The following PSD2 variants were observed in gnomAD, a reference collection of about 807,000 sequenced individuals.
PSD2 encodes the protein PH and SEC7 domain-containing protein 2.
Under a neutral mutation model 69.8 loss-of-function variants are expected in PSD2, and 38 were observed. The observed-to-expected ratio is 0.54, with a 90% CI of 0.42 to 0.71. The LOEUF (loss-of-function observed/expected upper bound fraction) is 0.71, where lower values mean the gene tolerates loss of function less well. Among genes scored for constraint, PSD2 ranks in the 30% least tolerant of loss-of-function variants. The pLI is 0.00. For missense variants in PSD2, 943 were observed against 1,014.5 expected (o/e 0.93, Z 0.96); for synonymous variants, 412 against 423.0 (o/e 0.97, Z 0.32).
At chr5:139,835,889 A>T (rs1760703171) in intron 9 of PSD2, 123 bp downstream of exon 9, 1 of 909,880 alleles carries the variant, frequency 1.1e-6, no homozygotes, top group African/African-American at 1.6e-5. Flanking sequence ...CCAGGGCCTG[A>T]TACCTGTGTC....
At chr5:139,768,050 G>A in the PSD2 span, among the ~76,000 whole-genome samples, 479 of 152,380 alleles carry the variant, frequency 3.1e-3, 6 homozygotes, top group African/African-American at 0.011. Flanking sequence ...GCCTGGCTCA[G>A]ATATCTGGCC....
chr5:139,833,648 G>A, intron 7 of PSD2, 54 bp from the exon 8 acceptor site: 5 of 1,303,340 alleles, frequency 3.8e-6, no homozygotes, highest in Non-Finnish European at 5.6e-6. Context: ...GGGTGTGTGG[G>A]GAACACACCA....
Position 139,805,067 on chromosome 5 carries a change from C to T in PSD2, c.-50-4324C>T, listed in dbSNP as rs116191243. The stretch of plus-strand genomic sequence containing the variant: ...GTGTGCGCATGTGTGTGTGCACGTG[C>T]GCGTGTGTCTGGGCATGTGTACATG... On this transcript the variant is annotated intron_variant, in intron 1 of 14. Coordinates refer to ENST00000274710, the MANE Select transcript of PSD2 (RefSeq NM_032289.4). Among the ~76,000 whole-genome samples, 426 of 151,956 alleles carry T rather than the reference C, an allele frequency of 2.8e-3. 4 individuals carry two copies. The highest frequency in any genetic ancestry group is 9.8e-3 in the African/African-American group (405 of 41,426).
the PSD2 span, among the ~76,000 whole-genome samples, chr5:139,770,521 G>A: frequency 6.6e-5 from 10 of 152,182 alleles, no homozygotes; most frequent in East Asian, 1.2e-3. Context: ...AGCTGAGATC[G>A]CGGCACTACA....
At chr5:139,788,201 A>G in the PSD2 span, among the ~76,000 whole-genome samples, 1 of 89,638 alleles carries the variant, frequency 1.1e-5, no homozygotes, top group African/African-American at 4.6e-5. Flanking sequence ...ACCCGTGCCC[A>G]GGCCTGGCCC....
chr5:139,774,445 C>T, the PSD2 span, among the ~76,000 whole-genome samples: 1 of 152,230 alleles, frequency 6.6e-6, no homozygotes, highest in East Asian at 1.9e-4. Flanking sequence ...AAGAGGTGGG[C>T]AGGGCTGGCC....
At chr5:139,830,823 C>CTTTTTTTTTTTTT (rs60786662) in intron 7 of PSD2, among the ~76,000 whole-genome samples, 7 of 82,944 alleles carry the variant, frequency 8.4e-5, no homozygotes, top group Admixed American at 1.4e-4. Flanking sequence ...CCTGGACTTG[C>CTTTTTTTTTTTTT]TTTTTTTTTT....
rs185114644 is a variant in PSD2, at chr5:139,823,008, C to A, written c.1269+224C>A. 4.6e-5 allele frequency among the ~76,000 whole-genome samples: 7 copies of A among 152,252 alleles called. No individual in the cohort carries two copies. In the East Asian group the frequency reaches 1.4e-3, roughly 29 times the overall value. Reference sequence around the variant, plus strand: ...TATGCCAGTGAGAGCAGCTGGGCCACGGGAGTTTAAGATGAGCCACAAATG... The same window carrying A: ...TATGCCAGTGAGAGCAGCTGGGCCAAGGGAGTTTAAGATGAGCCACAAATG... On this transcript the variant is annotated intron_variant, in intron 7 of 14. Coordinates refer to ENST00000274710, the MANE Select transcript of PSD2 (RefSeq NM_032289.4).
chr5:139,748,063 G>A, the PSD2 span, among the ~76,000 whole-genome samples: 1 of 152,234 alleles, frequency 6.6e-6, no homozygotes, highest in Non-Finnish European at 1.5e-5. Context: ...AGGGGGCGAA[G>A]GTCTGCGGAC....
chr5:139,822,517 G>C (rs565744771), intron 6 of PSD2, among the ~76,000 whole-genome samples: 45 of 152,352 alleles, frequency 3.0e-4, no homozygotes, highest in African/African-American at 1.1e-3. Context: ...AGTGGGTCCA[G>C]GGTGGTCAGG....
At chr5:139,801,516 T>C (rs1759674026) in intron 1 of PSD2, among the ~76,000 whole-genome samples, 1 of 152,176 alleles carries the variant, frequency 6.6e-6, no homozygotes, top group Admixed American at 6.5e-5. Context: ...CTCAGCCTCC[T>C]TTGCTGGTTC....
In PSD2 at chr5:139,837,243, G is replaced by C. The variant is rs778918770; in HGVS notation, c.1665+5G>C. 13 of 1,613,692 alleles carry C rather than the reference G, an allele frequency of 8.1e-6. No homozygotes were observed. Among genetic ancestry groups the C allele is most frequent in the Non-Finnish European group, 1.1e-5 (13 of 1,179,746 alleles). ...ACCATCCTGTACCTGCAGAAGGTGA[G>C]AGACTGCCCCAGAGACCTTACTCAG... On this transcript the variant is annotated splice_donor_5th_base_variant and intron_variant, in intron 11 of 14. Transcript: ENST00000274710. The surrounding 1 kb of genome is among the most constrained non-coding windows in gnomAD (Gnocchi z 5.0).
the PSD2 span, among the ~76,000 whole-genome samples, chr5:139,779,554 A>T: frequency 6.6e-6 from 1 of 152,188 alleles, no homozygotes; most frequent in Non-Finnish European, 1.5e-5. Flanking sequence ...TTGTTCTATG[A>T]AGGCAAAATT....
upstream of PSD2, among the ~76,000 whole-genome samples, chr5:139,793,220 A>C (rs899629754): frequency 1.3e-5 from 2 of 152,192 alleles, no homozygotes; most frequent in African/African-American, 4.8e-5. Flanking sequence ...TTGGGATTAC[A>C]GGCGTGAGCC....
chr5:139,761,135 G>A, the PSD2 span, among the ~76,000 whole-genome samples: 218 of 152,276 alleles, frequency 1.4e-3, 2 homozygotes, highest in Non-Finnish European at 5.3e-4. Context: ...TCAACATCTC[G>A]GAGTCCCTGC....
At chr5:139,794,966 C>T (rs1759482909), upstream of PSD2, among the ~76,000 whole-genome samples, 1 of 152,086 alleles carries the variant, frequency 6.6e-6, no homozygotes. Context: ...CTTGACTTGC[C>T]CTTGGGGAGA....
chr5:139,753,965 T>C, the PSD2 span, among the ~76,000 whole-genome samples: 2 of 152,136 alleles, frequency 1.3e-5, no homozygotes, highest in East Asian at 3.9e-4. Context: ...GCCTCCCAAA[T>C]AGCTGGGATG....
At chr5:139,768,701 C>T in the PSD2 span, among the ~76,000 whole-genome samples, 35 of 145,598 alleles carry the variant, frequency 2.4e-4, no homozygotes, top group African/African-American at 8.7e-4. Flanking sequence ...CCAGCCTGGG[C>T]AACAAGAGCA....
Position 139,822,724 on chromosome 5 carries a change from A to C in PSD2, c.1211-2A>C, listed in dbSNP as rs1760303005. On this transcript the variant is annotated splice_acceptor_variant, in intron 6 of 14. Coordinates refer to ENST00000274710, the MANE Select transcript of PSD2 (RefSeq NM_032289.4). LOFTEE classifies it high-confidence loss of function. ...CTGAGAGTGCCACCATCTCTGACTC[A>C]GATGGGATCCACACGCTCACCTGTG... is the stretch of plus-strand genomic sequence containing the variant. The C allele has an allele frequency of 6.2e-7, 1 of 1,609,348 alleles. No individual in the cohort carries two copies. The highest frequency in any genetic ancestry group is 8.5e-7 in the Non-Finnish European group (1 of 1,177,632).
Sources: allele counts gnomAD v4.1 joint callset (sites outside exome capture counted in the v4.1 genomes callset), GRCh38; gene constraint gnomAD v4.1.1; non-coding constraint Gnocchi (gnomAD v3.1); transcripts MANE v1.5; gene names NCBI Gene and HGNC (gene_info 2026-07-23, HGNC 2026-07-21).